Variants in SEL1L2 observed in about 807,000 individuals in gnomAD.
SEL1L2 encodes SEL1L2 adaptor subunit of SYVN1 ubiquitin ligase, also known as protein sel-1 homolog 2.
A neutral mutation model predicts 98.8 loss-of-function variants in SEL1L2; 89 were observed. The observed-to-expected ratio is 0.90, with a 90% CI of 0.76 to 1.07. SEL1L2 has a LOEUF of 1.07. Ranked by LOEUF, SEL1L2 falls within the 50% of genes least tolerant of loss-of-function variation. The pLI is 0.00. For synonymous variants in SEL1L2, 262 were observed against 278.5 expected, an observed-to-expected ratio of 0.94 and a Z score of 0.59; for missense variants, 788 against 812.0, an observed-to-expected ratio of 0.97 and a Z score of 0.36.
intron 2 of SEL1L2, among the ~76,000 whole-genome samples, chr20:13,953,271 T>C (rs759811925): frequency 2.0e-5 from 3 of 152,088 alleles, no homozygotes; most frequent in Admixed American, 6.5e-5. Flanking sequence ...TTGATACGTG[T>C]TTTCTAATAA....
rs117998466 is a variant in SEL1L2, at chr20:13,942,907, A to T, written c.115-11136T>A. ...GAAGCAAAGCTGTTTTTGTTAATGG[A>T]CTTGATGTCTTTTATTTTTTTCCTA... On this transcript the variant is annotated intron_variant, in intron 2 of 19. Coordinates refer to ENST00000284951, the MANE Select transcript of SEL1L2 (RefSeq NM_025229.2). Among the ~76,000 whole-genome samples the T allele has an allele frequency of 7.9e-3, 1,206 of 152,278 alleles. 32 individuals are homozygous for T. Among genetic ancestry groups the T allele is most frequent in the East Asian group, 0.075 (387 of 5,184 alleles).
At chr20:13,979,011 G>A (rs1048355288) in intron 1 of SEL1L2, among the ~76,000 whole-genome samples, 11 of 152,080 alleles carry the variant, frequency 7.2e-5, no homozygotes, top group Non-Finnish European at 1.0e-4. Context: ...AATGAGCTGC[G>A]ATCATGCAAC....
intron 9 of SEL1L2, 31 bp from the exon 10 acceptor site, chr20:13,885,434 G>C: frequency 7.2e-7 from 1 of 1,395,098 alleles, no homozygotes; most frequent in Non-Finnish European, 1.0e-6. Context: ...AATGATTTTA[G>C]CAGCAGTATT....
intron 3 of SEL1L2, among the ~76,000 whole-genome samples, chr20:13,923,313 A>T (rs1464794813): frequency 1.3e-5 from 2 of 152,222 alleles, no homozygotes; most frequent in African/African-American, 4.8e-5. Context: ...TCCAGACATA[A>T]AAGGTTTTTA....
intron 17 of SEL1L2, among the ~76,000 whole-genome samples, chr20:13,861,458 T>G (rs1043223419): frequency 6.6e-6 from 1 of 151,780 alleles, no homozygotes; most frequent in African/African-American, 2.4e-5. Context: ...TATATATATA[T>G]GTATAATATA....
At chr20:13,922,793 T>C (rs2048721350) in intron 3 of SEL1L2, among the ~76,000 whole-genome samples, 3 of 152,232 alleles carry the variant, frequency 2.0e-5, no homozygotes, top group Admixed American at 2.0e-4. Context: ...GTGCTATCTT[T>C]TTCCTTTTAT....
chr20:13,991,144 C>CA (rs979530091), upstream of SEL1L2, among the ~76,000 whole-genome samples: 5 of 152,144 alleles, frequency 3.3e-5, no homozygotes, highest in African/African-American at 9.7e-5. Flanking sequence ...AGACATCTCA[C>CA]AAGTGGTACC....
chr20:13,922,928 G>A (rs1195839767), intron 3 of SEL1L2, among the ~76,000 whole-genome samples: 2 of 152,168 alleles, frequency 1.3e-5, no homozygotes, highest in African/African-American at 4.8e-5. Context: ...AGCAAGTATA[G>A]GGTTTCAGGA....
chr20:13,930,471 G>A (rs1335213122), intron 3 of SEL1L2, among the ~76,000 whole-genome samples: 5 of 152,156 alleles, frequency 3.3e-5, no homozygotes, highest in African/African-American at 1.2e-4. Flanking sequence ...TACGCCTTTA[G>A]AAATAAATAG....
chr20:13,957,834 G>A (rs1321246), intron 1 of SEL1L2, among the ~76,000 whole-genome samples: 103,375 of 151,944 alleles, frequency 0.68, 36,404 homozygotes, highest in South Asian at 0.79. Context: ...CAGAAATTGC[G>A]CCACTGTACT....
At chr20:13,879,317 A>T (rs1003521268) in intron 10 of SEL1L2, among the ~76,000 whole-genome samples, 1 of 152,072 alleles carries the variant, frequency 6.6e-6, no homozygotes, top group African/African-American at 2.4e-5. Flanking sequence ...ACTATAAACA[A>T]TCTTGAAGAC....
chr20:13,863,680 T>C (rs187923711), intron 17 of SEL1L2, among the ~76,000 whole-genome samples: 20 of 152,248 alleles, frequency 1.3e-4, no homozygotes, highest in Non-Finnish European at 1.5e-5. Flanking sequence ...TTAATATCAA[T>C]GTACTAGCTG....
At chr20:13,933,969 T>TTG (rs2049278506) in intron 2 of SEL1L2, among the ~76,000 whole-genome samples, 1 of 151,182 alleles carries the variant, frequency 6.6e-6, no homozygotes, top group African/African-American at 2.4e-5. Flanking sequence ...TAAGGTTTTT[T>TTG]TTTTTTTTAA....
intron 9 of SEL1L2, among the ~76,000 whole-genome samples, chr20:13,885,778 G>A (rs1238748362): frequency 6.6e-6 from 1 of 152,242 alleles, no homozygotes; most frequent in Non-Finnish European, 1.5e-5. Context: ...GCTCACGCCT[G>A]TAATCCCAGC....
In SEL1L2 at chr20:13,987,089, C is replaced by A. The variant is rs185773310; in HGVS notation, c.58+3388G>T. 5.6e-3 allele frequency among the ~76,000 whole-genome samples: 832 copies of A among 149,730 alleles called. 2 individuals are homozygous for A. The highest frequency in any genetic ancestry group is 0.012 in the South Asian group (57 of 4,764). ...CTCGTGATCTGCCCACCTCAGCCCC[C>A]CAAAGTGCTGGGATTACAGGCGTGA... On this transcript the variant is annotated intron_variant, in intron 1 of 19. Transcript: ENST00000284951.
chr20:13,919,379 G>A (rs772343104), intron 3 of SEL1L2, among the ~76,000 whole-genome samples: 2 of 152,160 alleles, frequency 1.3e-5, no homozygotes, highest in Non-Finnish European at 2.9e-5. Flanking sequence ...AAAGAGAGAT[G>A]CTCCTGATGG....
In SEL1L2 at chr20:13,908,103, C is replaced by CT. The variant is rs71188195; in HGVS notation, c.549+5678dup. On this transcript the variant is annotated intron_variant, in intron 5 of 19. Transcript: ENST00000284951. ...TGCCTGGCTGATCAATTTCTTGGTTCTTTTTTTTTTTTTTTTTTTTTTTTT... is the reference window on the plus strand; with the variant it reads ...TGCCTGGCTGATCAATTTCTTGGTTCTTTTTTTTTTTTTTTTTTTTTTTTTT... Among the ~76,000 whole-genome samples the CT allele has an allele frequency of 9.0e-4, 24 of 26,746 alleles. 2 individuals are homozygous for CT. The highest frequency in any genetic ancestry group is 1.9e-3 in the African/African-American group (12 of 6,196). 17.5% of individuals were successfully genotyped at this position (26,746 alleles called of 152,430 possible).
chr20:13,869,681 T>C (rs1273587216), intron 13 of SEL1L2, 91 bp from the exon 14 acceptor site: 1 of 874,596 alleles, frequency 1.1e-6, no homozygotes, highest in East Asian at 2.6e-5. Context: ...GTATAGACAG[T>C]GCCCTATGTG....
chr20:13,945,483 T>C (rs1488345721), intron 2 of SEL1L2, among the ~76,000 whole-genome samples: 2 of 150,354 alleles, frequency 1.3e-5, no homozygotes, highest in African/African-American at 4.9e-5. Flanking sequence ...TTTTAATATA[T>C]ACATATATAT....
Sources: allele counts gnomAD v4.1 joint callset (sites outside exome capture counted in the v4.1 genomes callset), GRCh38; gene constraint gnomAD v4.1.1; transcripts MANE v1.5; gene names NCBI Gene and HGNC (gene_info 2026-07-23, HGNC 2026-07-21).